Variants in CEP95 observed in about 807,000 individuals in gnomAD.
CEP95 encodes the protein centrosomal protein 95.
Under a neutral mutation model 111.2 loss-of-function variants are expected in CEP95, and 98 were observed. The ratio of observed to expected loss-of-function variants is 0.88; its 90% CI spans 0.75 to 1.04. The LOEUF (loss-of-function observed/expected upper bound fraction) is 1.04. Among genes scored for constraint, CEP95 ranks in the 50% least tolerant of loss-of-function variants. The pLI, the probability that CEP95 is intolerant of heterozygous loss-of-function variation, is 0.00. For missense variants in CEP95, 1,027 were observed against 977.2 expected (o/e 1.05, Z -0.68); for synonymous variants, 323 against 327.1 (o/e 0.99, Z 0.14).
intron 8 of CEP95, among the ~76,000 whole-genome samples, chr17:64,523,141 TAGG>T (rs1334712555): frequency 6.6e-6 from 1 of 152,168 alleles, no homozygotes; most frequent in Admixed American, 6.5e-5. Context: ...TCTAGGAAGA[TAGG>T]AGAAAAACGA....
intron 3 of CEP95, among the ~76,000 whole-genome samples, chr17:64,511,494 C>A (rs966682983): frequency 6.6e-6 from 1 of 152,178 alleles, no homozygotes; most frequent in South Asian, 2.1e-4. Flanking sequence ...GGCTCTGTTC[C>A]GCCCGGCTCA....
chr17:64,526,170 ACT>A lies in CEP95; in HGVS notation c.1128_1129del (p.Gln377AlafsTer4), dbSNP rs781990854. The A allele has an allele frequency of 3.9e-5, 62 of 1,609,696 alleles. No individual in the cohort carries two copies. The Admixed American group carries it at 7.1e-4, about 18-fold the overall frequency. The stretch of plus-strand genomic sequence containing the variant: ...AAGAATTACATGATGTATCAGAAAA[ACT>A]CTCTCAGCGGCTTTCTGAACTAGAT... The part of the protein sequence containing the change: ...EQELHDVSEK[L>X]SQRLSELDWM... On this transcript the variant is annotated frameshift_variant, in exon 10 of 20. Coordinates refer to ENST00000556440, the MANE Select transcript of CEP95 (RefSeq NM_138363.3). LOFTEE classifies it high-confidence loss of function.
At chr17:64,507,660 A>G in intron 1 of CEP95, 1 of 987,678 alleles carries the variant, frequency 1.0e-6, no homozygotes, top group Non-Finnish European at 1.2e-6. Context: ...GGACGCTTTC[A>G]TCCTTTTCAC....
intron 6 of CEP95, among the ~76,000 whole-genome samples, chr17:64,520,826 G>A (rs1198743145): frequency 2.6e-5 from 4 of 152,098 alleles, no homozygotes; most frequent in South Asian, 2.1e-4. Flanking sequence ...CAGCATTTCC[G>A]TAACTCTGGC....
intron 3 of CEP95, among the ~76,000 whole-genome samples, chr17:64,511,513 C>CA (rs1336166754): frequency 6.6e-6 from 1 of 152,204 alleles, no homozygotes; most frequent in Non-Finnish European, 1.5e-5. Context: ...CACCAACGGA[C>CA]AGAGTTTAAG....
intron 3 of CEP95, among the ~76,000 whole-genome samples, chr17:64,512,701 GA>G (rs2038958620): frequency 6.6e-6 from 1 of 152,102 alleles, no homozygotes; most frequent in South Asian, 2.1e-4. Context: ...AAATTTTTGC[GA>G]AGAGAATAAA....
chr17:64,507,695 C>G (rs1555673436), intron 1 of CEP95: 1 of 986,054 alleles, frequency 1.0e-6, no homozygotes, highest in Non-Finnish European at 1.2e-6. Flanking sequence ...AACCAGTTGT[C>G]ATGGTTTGGC....
chr17:64,514,500 T>C (rs782644145), intron 4 of CEP95, 142 bp downstream of exon 4: 1 of 526,620 alleles, frequency 1.9e-6, no homozygotes, highest in Non-Finnish European at 3.5e-6. Flanking sequence ...AAATTTCAAA[T>C]TCTTATTGTT....
chr17:64,537,791 A>G lies in CEP95; in HGVS notation c.*12A>G. ...GTCCCTCCCTATGAGGCCAGACTTG[A>G]TAATAGTAGGTGAAGGTTCTGGAGG... On this transcript the variant is annotated 3_prime_UTR_variant, in exon 20 of 20. Coordinates refer to ENST00000556440, the MANE Select transcript of CEP95 (RefSeq NM_138363.3). 1 of 1,543,362 alleles carries G rather than the reference A, an allele frequency of 6.5e-7. No individual in the cohort carries two copies. Among genetic ancestry groups the G allele is most frequent in the Non-Finnish European group, 8.8e-7 (1 of 1,139,214 alleles).
rs551041753 is a variant in CEP95 at position 64,522,809 on chromosome 17, C to T, written c.823C>T (p.Pro275Ser). 1.1e-4 allele frequency: 170 copies of T among 1,613,844 alleles called. 2 individuals carry two copies. The South Asian group carries it at 1.7e-3, about 16-fold the overall frequency. Reference protein sequence around the residue: ...PPYHPSEPRAPCPIGKEYLHS... With the variant: ...PPYHPSEPRASCPIGKEYLHS... ...CTACCACCCTTCAGAGCCTCGAGCA[C>T]CCTGCCCCATAGGAAAAGAATACTT... is the stretch of plus-strand genomic sequence containing the variant. Residue 275 changes from proline (P) to serine (S), a missense_variant, in exon 8 of 20, where the codon CCC becomes TCC. Pro to Ser is a moderately conservative substitution (Grantham distance 74, BLOSUM62 -1). Coordinates refer to ENST00000556440, the MANE Select transcript of CEP95 (RefSeq NM_138363.3).
chr17:64,507,203 G>C, intron 1 of CEP95, 87 bp downstream of exon 1: 1 of 1,536,778 alleles, frequency 6.5e-7, no homozygotes, highest in Non-Finnish European at 8.8e-7. Flanking sequence ...CTGGGTCTGG[G>C]CTGTCGGCGG....
Position 64,537,125 on chromosome 17 carries a change from A to T in CEP95, c.2289+13A>T. On this transcript the variant is annotated intron_variant, in intron 19 of 19. Coordinates refer to ENST00000556440, the MANE Select transcript of CEP95 (RefSeq NM_138363.3). ...ATCTCAGGCCCAGGTAATAATTAAG[A>T]TAGAAGCCAAGTCATGCACTGCATG... The T allele has an allele frequency of 1.2e-6, 2 of 1,609,126 alleles. No homozygotes were observed. Among genetic ancestry groups the T allele is most frequent in the Non-Finnish European group, 8.5e-7 (1 of 1,177,684 alleles).
Position 64,509,927 on chromosome 17 carries a change from A to G in CEP95, c.149-246A>G, listed in dbSNP as rs1002118790. ...TATCTATATATATATATATGGTGTA[A>G]TAAATATTCAACCGTATTCAACCAG... On this transcript the variant is annotated intron_variant, in intron 2 of 19. Transcript: ENST00000556440. Among the ~76,000 whole-genome samples the G allele has an allele frequency of 8.5e-5, 13 of 152,078 alleles. No individual in the cohort carries two copies. In the East Asian group the frequency reaches 1.7e-3, roughly 20 times the overall value.
intron 5 of CEP95, among the ~76,000 whole-genome samples, chr17:64,518,793 G>C (rs782179621): frequency 6.6e-6 from 1 of 151,818 alleles, no homozygotes; most frequent in East Asian, 1.9e-4. Flanking sequence ...CAGTTCTCCC[G>C]CCTCAGCCTC....
chr17:64,510,247 G>C lies in CEP95; in HGVS notation c.223G>C (p.Asp75His), dbSNP rs1555674506. Residue 75 changes from aspartate to histidine, a missense_variant, in exon 3 of 20, where the codon GAC (aspartate) becomes CAC (histidine). Physicochemically the swap from Asp to His is moderately conservative, Grantham distance 81 (BLOSUM62 -1). Coordinates refer to ENST00000556440, the MANE Select transcript of CEP95 (RefSeq NM_138363.3). Reference sequence around the variant, plus strand: ...AGCAGTAATTGATTCACTGGCCTTGGACTACTTGCAGGTCAGCTTGTCTCA... The same window carrying C: ...AGCAGTAATTGATTCACTGGCCTTGCACTACTTGCAGGTCAGCTTGTCTCA... Reference protein sequence around the residue: ...VQAVIDSLALDYLQVSLSHIT... With the variant: ...VQAVIDSLALHYLQVSLSHIT... 5.0e-6 allele frequency: 8 copies of C among 1,610,844 alleles called. No individual in the cohort carries two copies. The highest frequency in any genetic ancestry group is 6.8e-6 in the Non-Finnish European group (8 of 1,178,002).
rs570139398 is a variant in CEP95, at chr17:64,507,770, C to T, written c.19+654C>T. 6 of 985,546 alleles carry T rather than the reference C, an allele frequency of 6.1e-6. No individual in the cohort carries two copies. The South Asian group carries it at 1.9e-4, about 31-fold the overall frequency. 61.1% of individuals were successfully genotyped at this position (985,546 alleles called of 1,614,324 possible). A position where few individuals can be genotyped will look rare whatever the true frequency, so the allele number is the denominator to read the frequency against. On this transcript the variant is annotated intron_variant, in intron 1 of 19. Coordinates refer to ENST00000556440, the MANE Select transcript of CEP95 (RefSeq NM_138363.3). ...ATGGAAAATACACTCTCATTCGTTT[C>T]CAGAACGTTACGTGTCCAGAACATA...
At position 64,529,363 on chromosome 17, in the gene CEP95, T is replaced by A; in HGVS notation, c.1382T>A (p.Phe461Tyr). The A allele has an allele frequency of 6.2e-7, 1 of 1,613,786 alleles. No homozygotes were observed. Among genetic ancestry groups the A allele is most frequent in the Non-Finnish European group, 8.5e-7 (1 of 1,179,800 alleles). ...TCTCCAGTTAACAAACACAAACAGT[T>A]CCACTTGGAGAGAAAAAGGCAGCGC... ...SPSPVNKHKQ[F>Y]HLERKRQRKP... is the part of the protein sequence containing the mutation. The change falls in exon 12 of 20, where the codon TTC (phenylalanine) becomes TAC (tyrosine). Residue 461 changes from phenylalanine (F) to tyrosine (Y), a missense_variant. Transcript: ENST00000556440.
intron 2 of CEP95, 101 bp downstream of exon 2, chr17:64,508,821 C>G: frequency 7.2e-6 from 3 of 419,322 alleles, no homozygotes; most frequent in East Asian, 4.8e-5. Context: ...TTCATTTTCT[C>G]TTTGCTTGTT....
At chr17:64,533,330 C>G in intron 16 of CEP95, 139 bp downstream of exon 16, 1 of 664,502 alleles carries the variant, frequency 1.5e-6, no homozygotes. Context: ...GGTCTTTAAC[C>G]AAAATTGATA....
Sources: gnomAD v4.1 joint callset for allele counts (sites outside exome capture counted in the v4.1 genomes callset) on GRCh38, gnomAD v4.1.1 for gene constraint, MANE v1.5 for transcripts, NCBI Gene and HGNC (gene_info 2026-07-23, HGNC 2026-07-21) for gene names.